DPH5: variants seen among roughly 807,000 people sequenced by gnomAD.
DPH5 encodes diphthamide biosynthesis 5.
DPH5 carries 31 observed loss-of-function variants against 31.6 expected under a neutral mutation model. The ratio of observed to expected loss-of-function variants is 0.98; its 90% confidence interval spans 0.74 to 1.32. DPH5 has a LOEUF of 1.32. DPH5 is among the 40% of genes most tolerant of loss of function. The pLI, the probability that DPH5 is intolerant of heterozygous loss-of-function variation, is 0.00. For missense variants in DPH5, 309 were observed against 335.7 expected (o/e 0.92, Z 0.62); for synonymous variants, 120 against 115.0 (o/e 1.04, Z -0.28).
intron 4 of DPH5, among the ~76,000 whole-genome samples, chr1:101,009,637 A>C (rs1659489635): frequency 6.6e-6 from 1 of 152,110 alleles, no homozygotes. Flanking sequence ...CCTCAATTCC[A>C]ATCTTGCCTG....
rs541932787 is a variant in DPH5, at chr1:101,005,531, C to T, written c.370-3944G>A. ...TATGCACATGGCCACACACTAGGTA[C>T]ATAAAGTTGAATGACTACGTAGACA... On this transcript the variant is annotated intron_variant, in intron 4 of 7. Transcript: ENST00000370109. 1.2e-3 allele frequency among the ~76,000 whole-genome samples: 181 copies of T among 152,250 alleles called. 1 individual carries two copies. The highest frequency in any genetic ancestry group is 4.2e-3 in the African/African-American group (176 of 41,554).
At chr1:101,022,849 C>G (rs146447229) in intron 2 of DPH5, 1 of 152,244 alleles carries the variant, frequency 6.6e-6, no homozygotes, top group African/African-American at 2.4e-5. Flanking sequence ...CTTTGTGTAG[C>G]TATTATCTAT....
At chr1:101,013,095 T>C (rs1027459151) in intron 4 of DPH5, among the ~76,000 whole-genome samples, 1 of 152,194 alleles carries the variant, frequency 6.6e-6, no homozygotes, top group Non-Finnish European at 1.5e-5. Flanking sequence ...ATAGTTGTCA[T>C]GGATTATCCA....
At chr1:100,993,086 T>G (rs1657931883) in intron 6 of DPH5, among the ~76,000 whole-genome samples, 1 of 152,190 alleles carries the variant, frequency 6.6e-6, no homozygotes, top group African/African-American at 2.4e-5. Flanking sequence ...AATCAGGTTA[T>G]TTAGTGTCCT....
rs756616503 is a variant in DPH5, at chr1:100,992,691, C to T, written c.580G>A (p.Ala194Thr). ...TGAACAATCTCCAGAAGCTGCTGGG[C>T]TGCTTGGTTTACACTCATATACCGT... is the stretch of plus-strand genomic sequence containing the variant. Reference protein sequence around the residue: ...PPRYMSVNQAAQQLLEIVQNQ... With the variant: ...PPRYMSVNQATQQLLEIVQNQ... The change falls in exon 7 of 8, where the codon GCC becomes ACC. Residue 194 changes from alanine to threonine, a missense_variant. Transcript: ENST00000370109. 1.2e-6 allele frequency: 2 copies of T among 1,613,974 alleles called. No individual in the cohort carries two copies. The highest frequency in any genetic ancestry group is 1.7e-6 in the Non-Finnish European group (2 of 1,179,914).
intron 2 of DPH5, 89 bp from the exon 3 acceptor site, chr1:101,021,854 ACACACT>A (rs1660479834): frequency 1.2e-5 from 13 of 1,124,862 alleles, no homozygotes; most frequent in Admixed American, 5.2e-5. Flanking sequence ...ACACACACAC[ACACACT>A]CTTTGTTTGG....
chr1:100,999,535 T>C (rs989538382), intron 5 of DPH5, among the ~76,000 whole-genome samples: 2 of 151,914 alleles, frequency 1.3e-5, no homozygotes, highest in Non-Finnish European at 2.9e-5. Context: ...ATTATGCAAA[T>C]AGCTTAAAAA....
At chr1:101,009,659 A>G (rs879327415) in intron 4 of DPH5, among the ~76,000 whole-genome samples, 2 of 152,226 alleles carry the variant, frequency 1.3e-5, no homozygotes, top group Admixed American at 1.3e-4. Flanking sequence ...CAGTAATTCA[A>G]TCTCCACATA....
At chr1:101,002,171 CTA>C (rs1194009818) in intron 4 of DPH5, among the ~76,000 whole-genome samples, 1 of 152,142 alleles carries the variant, frequency 6.6e-6, no homozygotes, top group Non-Finnish European at 1.5e-5. Flanking sequence ...TGTTCCCTCA[CTA>C]TAGAGTTCAG....
chr1:101,019,708 C>A (rs961696651), intron 3 of DPH5, among the ~76,000 whole-genome samples: 1 of 151,908 alleles, frequency 6.6e-6, no homozygotes, highest in Non-Finnish European at 1.5e-5. Flanking sequence ...CATATCCTAA[C>A]TATAATCTGC....
At chr1:100,999,513 G>C (rs1451010379) in intron 5 of DPH5, among the ~76,000 whole-genome samples, 1 of 151,956 alleles carries the variant, frequency 6.6e-6, no homozygotes, top group African/African-American at 2.4e-5. Flanking sequence ...TTAAATAATA[G>C]AGATTGGCTA....
At chr1:101,002,636 C>T (rs1420534748) in intron 4 of DPH5, among the ~76,000 whole-genome samples, 3 of 152,124 alleles carry the variant, frequency 2.0e-5, no homozygotes, top group Non-Finnish European at 4.4e-5. Flanking sequence ...AACTGGTAAG[C>T]ACTAGACTCA....
rs937203342 is a variant in DPH5, at chr1:100,989,964, T to G, written c.*444A>C. ...TTCTTTTTGGTCACTTGTTTTATACTTACTAGATAAGCCAAAAGACCTGTT... is the reference window on the plus strand; with the variant it reads ...TTCTTTTTGGTCACTTGTTTTATACGTACTAGATAAGCCAAAAGACCTGTT... On this transcript the variant is annotated 3_prime_UTR_variant, in exon 8 of 8. Transcript: ENST00000370109. 3 of 163,868 alleles carry G rather than the reference T, an allele frequency of 1.8e-5. No homozygotes were observed. Among genetic ancestry groups the G allele is most frequent in the African/African-American group, 7.2e-5 (3 of 41,532 alleles). The allele number at this position is 163,868 out of a possible 1,614,324, so 10.2% of individuals were successfully genotyped here.
intron 4 of DPH5, among the ~76,000 whole-genome samples, chr1:101,007,048 T>C (rs1659282308): frequency 6.6e-6 from 1 of 152,218 alleles, no homozygotes; most frequent in African/African-American, 2.4e-5. Flanking sequence ...AGAACTAATA[T>C]ATTCTATCAC....
intron 2 of DPH5, among the ~76,000 whole-genome samples, chr1:101,024,135 G>A (rs1660661221): frequency 6.6e-6 from 1 of 152,178 alleles, no homozygotes; most frequent in Non-Finnish European, 1.5e-5. Flanking sequence ...GGCTGGGTGT[G>A]GTTGCTTGTG....
chr1:101,018,394 C>T (rs75320423), intron 3 of DPH5, among the ~76,000 whole-genome samples: 17,327 of 151,946 alleles, frequency 0.11, 1,122 homozygotes, highest in Non-Finnish European at 0.15. Flanking sequence ...CCTGCCACCA[C>T]GTCTGGCTAC....
intron 4 of DPH5, among the ~76,000 whole-genome samples, chr1:101,005,654 C>G (rs530836743): frequency 2.6e-5 from 4 of 151,978 alleles, no homozygotes; most frequent in African/African-American, 7.3e-5. Context: ...AAGACAAGAT[C>G]GAACTCCAGG....
intron 3 of DPH5, among the ~76,000 whole-genome samples, chr1:101,020,021 T>C (rs1188736): frequency 0.95 from 143,984 of 152,270 alleles, 68,589 homozygotes; most frequent in East Asian, 1. Context: ...CCATTTGGTT[T>C]TAGCATAGCG....
At chr1:101,008,655 ATG>A (rs370963566) in intron 4 of DPH5, among the ~76,000 whole-genome samples, 2 of 151,416 alleles carry the variant, frequency 1.3e-5, no homozygotes, top group South Asian at 2.1e-4. Context: ...ACATATTTGT[ATG>A]TGTGTGTGTG....
Sources: allele counts gnomAD v4.1 joint callset (sites outside exome capture counted in the v4.1 genomes callset), GRCh38; gene constraint gnomAD v4.1.1; transcripts MANE v1.5; gene names NCBI Gene and HGNC (gene_info 2026-07-23, HGNC 2026-07-21).